ARRB2: variants seen among roughly 807,000 people sequenced by gnomAD.
ARRB2 encodes the protein arrestin beta 2, also known as beta-arrestin-2.
In ARRB2, 21 loss-of-function variants were observed where a neutral mutation model predicts 53.4. The ratio of observed to expected loss-of-function variants is 0.39; its 90% CI spans 0.28 to 0.57. The LOEUF (loss-of-function observed/expected upper bound fraction) is 0.57. Among genes scored for constraint, ARRB2 ranks in the 20% least tolerant of loss-of-function variants. The probability of loss-of-function intolerance (pLI) is 0.55; values close to 1 mark genes in which losing one functional copy is unlikely to be tolerated. For missense variants in ARRB2, 369 were observed against 527.5 expected (o/e 0.70, Z 2.94); for synonymous variants, 180 against 212.9 (o/e 0.85, Z 1.34).
chr17:4,716,488 C>A lies in ARRB2; in HGVS notation c.237C>A (p.Asp79Glu), dbSNP rs1247193712. ...LDVLGLSFRK[D>E]LFIATYQAFP... ...TGCTGGGCTTGTCCTTCCGCAAAGA[C>A]CTGTTCATCGCCACCTACCAGGCCT... The change falls in exon 5 of 15, where the codon GAC (aspartate) becomes GAA (glutamate). Residue 79 changes from aspartate (D) to glutamate (E), a missense_variant. Physicochemically the swap from Asp to Glu is conservative, Grantham distance 45 (BLOSUM62 2). Coordinates refer to ENST00000269260, the MANE Select transcript of ARRB2 (RefSeq NM_004313.4). 3.1e-6 allele frequency: 5 copies of A among 1,614,044 alleles called. No homozygotes were observed. The East Asian group carries it at 8.9e-5, about 29-fold the overall frequency.
At position 4,717,642 on chromosome 17, in the gene ARRB2, C is replaced by T. The variant is rs1915206414; in HGVS notation, c.418-43C>T. On this transcript the variant is annotated intron_variant, in intron 6 of 14. Transcript: ENST00000269260. This position sits in a 1 kb window ranked among gnomAD's most constrained non-coding sequence, Gnocchi z 6.0. Reference sequence around the variant, plus strand: ...GAGGAAGAAAGGGCAGTGATGGTGGCGGGAGCCTCCGGTAAGATGTGGCCT... The same window carrying T: ...GAGGAAGAAAGGGCAGTGATGGTGGTGGGAGCCTCCGGTAAGATGTGGCCT... 3 of 1,612,034 alleles carry T rather than the reference C, an allele frequency of 1.9e-6. No homozygotes were observed. The highest frequency in any genetic ancestry group is 1.7e-6 in the Non-Finnish European group (2 of 1,178,638).
intron 2 of ARRB2, chr17:4,715,759 T>C: frequency 1.7e-6 from 1 of 591,192 alleles, no homozygotes; most frequent in Non-Finnish European, 3.0e-6. Flanking sequence ...GGCAGAGGTG[T>C]GCAGAGATAA....
intron 10 of ARRB2, 97 bp downstream of exon 10, chr17:4,718,781 C>CCT: frequency 9.2e-7 from 1 of 1,085,298 alleles, no homozygotes. Flanking sequence ...GCCATCTCCA[C>CCT]CTTTTTTTTT....
At chr17:4,711,047 G>A (rs532950739) in intron 1 of ARRB2, among the ~76,000 whole-genome samples, 1 of 152,118 alleles carries the variant, frequency 6.6e-6, no homozygotes, top group African/African-American at 2.4e-5. Context: ...GATGGAGGAA[G>A]GAGGAGCAGG....
intron 3 of ARRB2, 49 bp downstream of exon 3, chr17:4,716,082 T>C (rs1914997864): frequency 1.2e-6 from 2 of 1,613,966 alleles, no homozygotes; most frequent in Non-Finnish European, 1.7e-6. Context: ...GGGGAAGAAG[T>C]TCCCGGGCCC....
Position 4,717,957 on chromosome 17 carries a change from C to T in ARRB2, c.555C>T (p.Ala185=), listed in dbSNP as rs111935802. 127 of 1,613,784 alleles carry T rather than the reference C, an allele frequency of 7.9e-5. 2 individuals carry two copies. The African/African-American group carries it at 8.0e-4, about 10-fold the overall frequency. ...APEKPGPQPS[A]ETTRHFLMSD... The stretch of plus-strand genomic sequence containing the variant: ...AGAAACCCGGCCCCCAGCCTTCAGC[C>T]GAAACCACACGCCACTTCCTCATGT... Residue 185 remains alanine (A), a synonymous_variant, in exon 8 of 15, where the codon GCC becomes GCT. Coordinates refer to ENST00000269260, the MANE Select transcript of ARRB2 (RefSeq NM_004313.4). The surrounding 1 kb of genome is among the most constrained non-coding windows in gnomAD (Gnocchi z 6.0).
Position 4,719,339 on chromosome 17 carries a change from T to C in ARRB2, c.836T>C (p.Leu279Pro). The C allele has an allele frequency of 6.2e-7, 1 of 1,614,076 alleles. No homozygotes were observed. Among genetic ancestry groups the C allele is most frequent in the Non-Finnish European group, 8.5e-7 (1 of 1,179,986 alleles). Reference protein sequence around the residue: ...FCKVYTITPLLSDNREKRGLA... With the variant: ...FCKVYTITPLPSDNREKRGLA... ...AAGGTGTACACCATAACCCCACTGCTCAGCGACAACCGGGAGAAGCGGGGT... is the reference window on the plus strand; with the variant it reads ...AAGGTGTACACCATAACCCCACTGCCCAGCGACAACCGGGAGAAGCGGGGT... Residue 279 changes from leucine to proline, a missense_variant, in exon 11 of 15, where the codon CTC (leucine) becomes CCC (proline). Coordinates refer to ENST00000269260, the MANE Select transcript of ARRB2 (RefSeq NM_004313.4).
intron 1 of ARRB2, among the ~76,000 whole-genome samples, chr17:4,713,061 T>C (rs919691675): frequency 6.6e-6 from 1 of 152,230 alleles, no homozygotes; most frequent in African/African-American, 2.4e-5. Context: ...CAATCTCAGC[T>C]CACTGCAACC....
At position 4,711,970 on chromosome 17, in the gene ARRB2, G is replaced by A. The variant is rs117399948; in HGVS notation, c.23+1226G>A. Among the ~76,000 whole-genome samples the A allele has an allele frequency of 5.6e-3, 856 of 152,338 alleles. 21 individuals are homozygous for A. The highest frequency in any genetic ancestry group is 0.042 in the Admixed American group (638 of 15,304). ...ACACTCTGCCTCCTTGGCCAGCCTA[G>A]TATATGCACGCTGCTCCTCCCCAGC... On this transcript the variant is annotated intron_variant, in intron 1 of 14. Transcript: ENST00000269260.
In ARRB2 at chr17:4,721,067, T is replaced by G; in HGVS notation, c.*28T>G. On this transcript the variant is annotated 3_prime_UTR_variant, in exon 15 of 15. Coordinates refer to ENST00000269260, the MANE Select transcript of ARRB2 (RefSeq NM_004313.4). The surrounding 1 kb of genome is among the most constrained non-coding windows in gnomAD (Gnocchi z 4.2). ...AGCGGGGTGGGAAGAAGGGAGGGGA[T>G]GGGGTTGGGAGAGGTGAGGGCAGGA... 4.5e-6 allele frequency: 7 copies of G among 1,547,774 alleles called. No homozygotes were observed. The highest frequency in any genetic ancestry group is 6.2e-6 in the Non-Finnish European group (7 of 1,120,050).
Position 4,717,353 on chromosome 17 carries a change from A to G in ARRB2, c.417+77A>G, listed in dbSNP as rs1915179312. ...GAGCCTGGAGGCACAGCTGAGCCAG[A>G]GGGTGAACTGTCGAGATGCCAGGGT... is the stretch of plus-strand genomic sequence containing the variant. On this transcript the variant is annotated intron_variant, in intron 6 of 14. Transcript: ENST00000269260. The surrounding 1 kb of genome is among the most constrained non-coding windows in gnomAD (Gnocchi z 6.0). 1.9e-6 allele frequency: 3 copies of G among 1,547,148 alleles called. No homozygotes were observed. Among genetic ancestry groups the G allele is most frequent in the Non-Finnish European group, 2.7e-6 (3 of 1,119,580 alleles).
In ARRB2 at chr17:4,715,809, A is replaced by C. The variant is rs1030176109; in HGVS notation, c.55-164A>C. On this transcript the variant is annotated intron_variant, in intron 2 of 14. Coordinates refer to ENST00000269260, the MANE Select transcript of ARRB2 (RefSeq NM_004313.4). The stretch of plus-strand genomic sequence containing the variant: ...AGCCTAAAGGTCCACTAGTCTGAGA[A>C]ACGCCACCACCCTCACTTTCCAACA... The C allele has an allele frequency of 2.7e-5, 20 of 746,280 alleles. No individual in the cohort carries two copies. The African/African-American group carries it at 3.5e-4, about 13-fold the overall frequency. 46.2% of individuals were successfully genotyped at this position (746,280 alleles called of 1,614,324 possible). A position where few individuals can be genotyped will look rare whatever the true frequency, so the allele number is the denominator to read the frequency against.
rs766271313 is a variant in ARRB2, at chr17:4,721,063, G to C, written c.*24G>C. ...AGGAAGCGGGGTGGGAAGAAGGGAG[G>C]GGATGGGGTTGGGAGAGGTGAGGGC... On this transcript the variant is annotated 3_prime_UTR_variant, in exon 15 of 15. Coordinates refer to ENST00000269260, the MANE Select transcript of ARRB2 (RefSeq NM_004313.4). This position sits in a 1 kb window ranked among gnomAD's most constrained non-coding sequence, Gnocchi z 4.2. The C allele has an allele frequency of 3.7e-6, 6 of 1,605,572 alleles. No individual in the cohort carries two copies. The highest frequency in any genetic ancestry group is 5.1e-6 in the Non-Finnish European group (6 of 1,172,460).
Position 4,716,023 on chromosome 17 carries a change from G to A in ARRB2, c.105G>A (p.Val35=). The change falls in exon 3 of 15, where the codon GTG becomes GTA. Residue 35 remains valine (V), a synonymous_variant. Transcript: ENST00000269260. ...KRDFVDHLDK[V]DPVDGVVLVD... is the part of the protein sequence containing the mutation. ...ACTTCGTAGATCACCTGGACAAAGT[G>A]GACCCTGTAGGTAAGTTTTCCCAGA... 1 of 1,614,178 alleles carries A rather than the reference G, an allele frequency of 6.2e-7. No homozygotes were observed. The highest frequency in any genetic ancestry group is 8.5e-7 in the Non-Finnish European group (1 of 1,180,030).
intron 2 of ARRB2, chr17:4,715,694 G>GACACACACACAC (rs150787978): frequency 1.1e-4 from 48 of 443,546 alleles, no homozygotes; most frequent in South Asian, 3.2e-4. Context: ...GTTGGCTGAG[G>GACACACACACAC]ACACACACAC....
Position 4,717,405 on chromosome 17 carries a change from C to T in ARRB2, c.417+129C>T, listed in dbSNP as rs922315687. On this transcript the variant is annotated intron_variant, in intron 6 of 14. Coordinates refer to ENST00000269260, the MANE Select transcript of ARRB2 (RefSeq NM_004313.4). The surrounding 1 kb of genome is among the most constrained non-coding windows in gnomAD (Gnocchi z 6.0). ...GGGCCGAGGGTAGGCCAGTGTCCCC[C>T]GTGGAAGTGGGGCGTATGTGGTGGT... 1.6e-5 allele frequency: 19 copies of T among 1,206,080 alleles called. No homozygotes were observed. In the Middle Eastern group the frequency reaches 8.2e-4, roughly 52 times the overall value. 74.7% of individuals were successfully genotyped at this position (1,206,080 alleles called of 1,614,324 possible).
intron 11 of ARRB2, among the ~76,000 whole-genome samples, chr17:4,720,012 G>A (rs1248131155): frequency 2.0e-5 from 3 of 152,338 alleles, no homozygotes; most frequent in Non-Finnish European, 4.4e-5. Flanking sequence ...GGAGAAGGAC[G>A]TCAGCTTTTC....
At chr17:4,715,112 C>A in intron 2 of ARRB2, 69 bp downstream of exon 2, 1 of 1,539,294 alleles carries the variant, frequency 6.5e-7, no homozygotes, top group Non-Finnish European at 8.8e-7. Context: ...TTCCCCTAGA[C>A]GATCCCCAAC....
chr17:4,716,423 C>T lies in ARRB2; in HGVS notation c.172C>T (p.Leu58Phe), dbSNP rs1411856108. 6.2e-7 allele frequency: 1 copy of T among 1,614,180 alleles called. No homozygotes were observed. The highest frequency in any genetic ancestry group is 1.1e-5 in the South Asian group (1 of 91,084). The stretch of plus-strand genomic sequence containing the variant: ...CCCTCCCTTGCCAGTGTTTGTGACC[C>T]TCACCTGCGCCTTCCGCTATGGCCG... Reference protein sequence around the residue: ...YLKDRKVFVTLTCAFRYGRED... With the variant: ...YLKDRKVFVTFTCAFRYGRED... Residue 58 changes from leucine (L) to phenylalanine (F), a missense_variant, in exon 5 of 15, where the codon CTC (leucine) becomes TTC (phenylalanine). Coordinates refer to ENST00000269260, the MANE Select transcript of ARRB2 (RefSeq NM_004313.4).
Sources: gnomAD v4.1 joint callset for allele counts (sites outside exome capture counted in the v4.1 genomes callset) on GRCh38, gnomAD v4.1.1 for gene constraint, Gnocchi (gnomAD v3.1) non-coding constraint, MANE v1.5 for transcripts, NCBI Gene and HGNC (gene_info 2026-07-23, HGNC 2026-07-21) for gene names.